The following PCDHGA2 variants were observed in gnomAD, a reference collection of about 807,000 sequenced individuals.
PCDHGA2 encodes the protein protocadherin gamma subfamily A, 2.
PCDHGA2 carries 40 observed loss-of-function variants against 59.2 expected under a neutral mutation model. That is an observed-to-expected ratio of 0.68 (90% CI 0.52 to 0.88). The LOEUF (loss-of-function observed/expected upper bound fraction) is 0.88, where lower values mean the gene tolerates loss of function less well. Among genes scored for constraint, PCDHGA2 ranks in the 40% least tolerant of loss-of-function variants. PCDHGA2 has a pLI of 0.00. For missense variants in PCDHGA2, 1,226 were observed against 1,204.0 expected, an observed-to-expected ratio of 1.02 and a Z score of -0.27; for synonymous variants, 560 against 526.0, an observed-to-expected ratio of 1.06 and a Z score of -0.89.
At chr5:141,383,473 C>G (rs764928203) in intron 1 of PCDHGA2, 2 of 1,613,686 alleles carry the variant, frequency 1.2e-6, no homozygotes, top group South Asian at 1.1e-5. Flanking sequence ...AACTAAGTAC[C>G]CGGAACTGGT....
chr5:141,361,845 T>G, intron 1 of PCDHGA2: 1 of 1,612,744 alleles, frequency 6.2e-7, no homozygotes, highest in Non-Finnish European at 8.5e-7. Flanking sequence ...TGGGGCCTGA[T>G]GGCTCCGCCC....
intron 1 of PCDHGA2, chr5:141,362,347 G>T: frequency 6.2e-7 from 1 of 1,614,042 alleles, no homozygotes; most frequent in Non-Finnish European, 8.5e-7. Context: ...GCCTGGACCT[G>T]GGGTTCTCCC....
At chr5:141,421,966 G>A in intron 1 of PCDHGA2, 1 of 1,610,918 alleles carries the variant, frequency 6.2e-7, no homozygotes, top group Non-Finnish European at 8.5e-7. Flanking sequence ...TACACAGTCC[G>A]TATATCGCGT....
intron 1 of PCDHGA2, chr5:141,365,023 G>C (rs775697621): frequency 6.8e-6 from 11 of 1,613,854 alleles, no homozygotes; most frequent in Non-Finnish European, 9.3e-6. Context: ...TCCGTGTTAC[G>C]GTCCTCGACG....
chr5:141,352,131 C>G (rs780634408), intron 1 of PCDHGA2: 37 of 1,610,516 alleles, frequency 2.3e-5, no homozygotes, highest in Non-Finnish European at 2.7e-5. Context: ...GAGGTGCGCA[C>G]AGCGCGTGCC....
intron 1 of PCDHGA2, chr5:141,403,058 C>T (rs1264463559): frequency 1.9e-6 from 3 of 1,613,942 alleles, no homozygotes; most frequent in African/African-American, 2.7e-5. Context: ...CTACTCAGTG[C>T]CTGAAGAGAC....
chr5:141,352,709 G>A (rs768287553), intron 1 of PCDHGA2: 3 of 1,543,562 alleles, frequency 1.9e-6, no homozygotes, highest in African/African-American at 1.4e-5. Flanking sequence ...ATATATGGCG[G>A]CCGGGCGCGG....
intron 1 of PCDHGA2, among the ~76,000 whole-genome samples, chr5:141,348,788 G>A (rs1375979447): frequency 6.6e-6 from 1 of 152,164 alleles, no homozygotes; most frequent in Non-Finnish European, 1.5e-5. Flanking sequence ...CAAGTGAAAA[G>A]GTATCTTAAG....
chr5:141,397,047 G>A (rs180929307), intron 1 of PCDHGA2, among the ~76,000 whole-genome samples: 130 of 152,158 alleles, frequency 8.5e-4, no homozygotes, highest in African/African-American at 2.9e-3. Context: ...TTATGTAAAT[G>A]AACTTATGAG....
chr5:141,384,282 C>T (rs1230546899), intron 1 of PCDHGA2: 3 of 1,613,858 alleles, frequency 1.9e-6, no homozygotes, highest in African/African-American at 1.3e-5. Flanking sequence ...CAGTCTACAT[C>T]GCTGAGAACA....
chr5:141,360,270 G>T (rs1761507525), intron 1 of PCDHGA2: 2 of 1,613,904 alleles, frequency 1.2e-6, no homozygotes, highest in African/African-American at 1.3e-5. Flanking sequence ...CCAAAAACTC[G>T]GTCGTAGGAA....
At chr5:141,376,514 T>C in intron 1 of PCDHGA2, 1 of 1,613,998 alleles carries the variant, frequency 6.2e-7, no homozygotes, top group Non-Finnish European at 8.5e-7. Context: ...TCAGGTGAGT[T>C]TCTTTCCGCC....
rs1052219950 is a variant in PCDHGA2, at chr5:141,476,865, G to A, written c.2425-17942G>A. The A allele has an allele frequency of 1.2e-6, 2 of 1,613,752 alleles. No individual in the cohort carries two copies. Among genetic ancestry groups the A allele is most frequent in the African/African-American group, 1.3e-5 (1 of 74,958 alleles). On this transcript the variant is annotated intron_variant, in intron 1 of 3. Coordinates refer to ENST00000394576, the MANE Select transcript of PCDHGA2 (RefSeq NM_018915.4). This position sits in a 1 kb window ranked among gnomAD's most constrained non-coding sequence, Gnocchi z 7.6. ...CCTGTCTTCAACCAGTCCTTGTACC[G>A]GGCGCGCGTCCTGGAGGATGCACCC...
Position 141,432,220 on chromosome 5 carries a change from C to T in PCDHGA2, c.2425-62587C>T. The T allele has an allele frequency of 6.2e-7, 1 of 1,614,246 alleles. No homozygotes were observed. Among genetic ancestry groups the T allele is most frequent in the Non-Finnish European group, 8.5e-7 (1 of 1,180,040 alleles). Reference sequence around the variant, plus strand: ...CCGACTGTGAAGAGAACGCCCAGATCACTTATTCCCTGGCTGAGAACACCA... The same window carrying T: ...CCGACTGTGAAGAGAACGCCCAGATTACTTATTCCCTGGCTGAGAACACCA... On this transcript the variant is annotated intron_variant, in intron 1 of 3. Coordinates refer to ENST00000394576, the MANE Select transcript of PCDHGA2 (RefSeq NM_018915.4). The surrounding 1 kb of genome is among the most constrained non-coding windows in gnomAD (Gnocchi z 6.0).
intron 1 of PCDHGA2, chr5:141,351,714 A>C: frequency 6.2e-7 from 1 of 1,613,242 alleles, no homozygotes. Flanking sequence ...AGAGTCTCCT[A>C]CTCTATTCTG....
chr5:141,373,632 T>C (rs1769740569), intron 1 of PCDHGA2, among the ~76,000 whole-genome samples: 1 of 152,264 alleles, frequency 6.6e-6, no homozygotes, highest in African/African-American at 2.4e-5. Context: ...ATATTATTTC[T>C]GTTCCCCAAG....
intron 1 of PCDHGA2, chr5:141,366,586 C>G (rs1373110985): frequency 6.2e-7 from 1 of 1,614,262 alleles, no homozygotes; most frequent in Non-Finnish European, 8.5e-7. Flanking sequence ...TCCTGCAGAC[C>G]TATTCCCACG....
At chr5:141,500,877 A>C (rs2099803156) in intron 2 of PCDHGA2, among the ~76,000 whole-genome samples, 1 of 122,292 alleles carries the variant, frequency 8.2e-6, no homozygotes, top group African/African-American at 3.9e-5. Flanking sequence ...TTCATTTACA[A>C]TTTTTTTTTT....
chr5:141,376,178 G>A (rs1249141559), intron 1 of PCDHGA2: 1 of 1,614,106 alleles, frequency 6.2e-7, no homozygotes, highest in Non-Finnish European at 8.5e-7. Context: ...GGCGGTGGCC[G>A]CGGTCTCCTG....
Sources: allele counts gnomAD v4.1 joint callset (sites outside exome capture counted in the v4.1 genomes callset), GRCh38; gene constraint gnomAD v4.1.1; non-coding constraint Gnocchi (gnomAD v3.1); transcripts MANE v1.5; gene names NCBI Gene and HGNC (gene_info 2026-07-23, HGNC 2026-07-21).